The following EGFLAM variants were observed in gnomAD, a reference collection of about 807,000 sequenced individuals.
EGFLAM encodes pikachurin.
EGFLAM carries 79 observed loss-of-function variants against 113.1 expected under a neutral mutation model. The observed-to-expected ratio is 0.70, with a 90% confidence interval of 0.58 to 0.84. EGFLAM has a LOEUF of 0.84. Among genes scored for constraint, EGFLAM ranks in the 40% least tolerant of loss-of-function variants. EGFLAM has a pLI of 0.00. For missense variants in EGFLAM, 1,265 were observed against 1,291.6 expected, an observed-to-expected ratio of 0.98 and a Z score of 0.32; for synonymous variants, 504 against 487.6, an observed-to-expected ratio of 1.03 and a Z score of -0.44.
At chr5:38,274,217 C>G (rs751876892) in intron 1 of EGFLAM, among the ~76,000 whole-genome samples, 2 of 151,962 alleles carry the variant, frequency 1.3e-5, no homozygotes, top group Non-Finnish European at 2.9e-5. Flanking sequence ...AGCGTCGAAA[C>G]AGCAAATGTT....
chr5:38,428,738 C>A lies in EGFLAM; in HGVS notation c.2054+1486C>A, dbSNP rs536105653. ...CTGTGGGGTCACAAGCACATGGAAC[C>A]CTTAGAAGTCCAGCATTTCTCTCTT... On this transcript the variant is annotated intron_variant, in intron 14 of 21. Coordinates refer to ENST00000322350, the MANE Select transcript of EGFLAM (RefSeq NM_152403.4). Among the ~76,000 whole-genome samples, 325 of 152,318 alleles carry A rather than the reference C, an allele frequency of 2.1e-3. 1 individual carries two copies. The highest frequency in any genetic ancestry group is 7.4e-3 in the African/African-American group (306 of 41,568).
intron 14 of EGFLAM, among the ~76,000 whole-genome samples, chr5:38,428,958 A>G (rs2112199563): frequency 6.6e-6 from 1 of 152,322 alleles, no homozygotes; most frequent in East Asian, 1.9e-4. Flanking sequence ...TCCTGAGCGT[A>G]AGCTAACAAC....
At chr5:38,313,314 A>G (rs975645629) in intron 1 of EGFLAM, among the ~76,000 whole-genome samples, 1 of 152,190 alleles carries the variant, frequency 6.6e-6, no homozygotes, top group Non-Finnish European at 1.5e-5. Flanking sequence ...CATCATAACA[A>G]AAACGTTTCC....
chr5:38,385,285 C>A (rs1428242457), intron 6 of EGFLAM, among the ~76,000 whole-genome samples: 11 of 110,664 alleles, frequency 9.9e-5, no homozygotes, highest in Middle Eastern at 4.5e-3. Context: ...CCCACCCCCC[C>A]CCCCCGCCCC....
chr5:38,294,928 C>T (rs753882902), intron 1 of EGFLAM, among the ~76,000 whole-genome samples: 7 of 152,030 alleles, frequency 4.6e-5, no homozygotes, highest in South Asian at 2.1e-4. Flanking sequence ...TGGGTTCAAG[C>T]GATTCTCCTG....
intron 1 of EGFLAM, among the ~76,000 whole-genome samples, chr5:38,332,696 TG>T (rs1739077981): frequency 1.3e-5 from 2 of 152,216 alleles, no homozygotes; most frequent in Admixed American, 1.3e-4. Context: ...AACAAAGGGA[TG>T]GGCCAAAATA....
chr5:38,458,072 G>T (rs1321575171), intron 19 of EGFLAM, among the ~76,000 whole-genome samples: 1 of 152,114 alleles, frequency 6.6e-6, no homozygotes, highest in East Asian at 1.9e-4. Context: ...GCTTAAAAAT[G>T]GTTACGATGG....
chr5:38,261,783 C>T lies in EGFLAM; in HGVS notation c.97+2932C>T, dbSNP rs182356771. 3.2e-3 allele frequency among the ~76,000 whole-genome samples: 482 copies of T among 152,060 alleles called. 2 individuals carry two copies. Among genetic ancestry groups the T allele is most frequent in the African/African-American group, 0.011 (461 of 41,314 alleles). ...GATACTGAAAGAATTTTGGAAGCTA[C>T]TGTCTACTGGCCTCATTTATAAGAA... On this transcript the variant is annotated intron_variant, in intron 1 of 21. Coordinates refer to ENST00000322350, the MANE Select transcript of EGFLAM (RefSeq NM_152403.4).
At chr5:38,422,907 G>A (rs1741880662) in intron 12 of EGFLAM, among the ~76,000 whole-genome samples, 1 of 152,192 alleles carries the variant, frequency 6.6e-6, no homozygotes, top group Non-Finnish European at 1.5e-5. Context: ...AGCCCCTGCT[G>A]TGGCTTACTC....
At chr5:38,418,619 G>T (rs375134873) in intron 12 of EGFLAM, among the ~76,000 whole-genome samples, 46 of 152,324 alleles carry the variant, frequency 3.0e-4, no homozygotes, top group Middle Eastern at 6.8e-3. Flanking sequence ...ACACAGTAAT[G>T]TAAGAAGAGC....
chr5:38,311,793 G>A (rs1319600165), intron 1 of EGFLAM, among the ~76,000 whole-genome samples: 1 of 152,178 alleles, frequency 6.6e-6, no homozygotes, highest in Non-Finnish European at 1.5e-5. Context: ...TGCAAAAAAG[G>A]CAAAGAAACA....
At chr5:38,357,854 A>G (rs1323462034) in intron 5 of EGFLAM, among the ~76,000 whole-genome samples, 1 of 149,634 alleles carries the variant, frequency 6.7e-6, no homozygotes, top group East Asian at 2.0e-4. Context: ...GAGATAGTCT[A>G]ACAAATTTTC....
At chr5:38,382,314 A>G (rs1740531500) in intron 6 of EGFLAM, among the ~76,000 whole-genome samples, 1 of 152,252 alleles carries the variant, frequency 6.6e-6, no homozygotes, top group South Asian at 2.1e-4. Flanking sequence ...AAATGAATGT[A>G]GGTATACATC....
intron 1 of EGFLAM, chr5:38,305,597 C>A: frequency 3.2e-6 from 1 of 309,404 alleles, no homozygotes; most frequent in Admixed American, 3.5e-5. Context: ...ATAGAAAAGG[C>A]AACCAGTCCA....
Position 38,407,893 on chromosome 5 carries a change from T to A in EGFLAM, c.1236T>A (p.Thr412=), listed in dbSNP as rs113866665. 6.2e-7 allele frequency: 1 copy of A among 1,611,224 alleles called. No homozygotes were observed. The highest frequency in any genetic ancestry group is 1.1e-5 in the South Asian group (1 of 90,996). The part of the protein sequence containing the change: ...LKNSYQAFQI[T]LEFRAEAEDG... The stretch of plus-strand genomic sequence containing the variant: ...ATTCTTATCAGGCATTTCAAATTAC[T>A]CTTGAATTTAGGGTAAGAGGGATGT... The change falls in exon 9 of 22, where the codon ACT becomes ACA. Residue 412 remains threonine, a synonymous_variant. Coordinates refer to ENST00000322350, the MANE Select transcript of EGFLAM (RefSeq NM_152403.4).
intron 6 of EGFLAM, among the ~76,000 whole-genome samples, chr5:38,375,265 A>G (rs568319730): frequency 6.6e-6 from 1 of 152,224 alleles, no homozygotes; most frequent in South Asian, 2.1e-4. Context: ...GCAGCCCCTT[A>G]GATTAGTTAG....
At chr5:38,293,345 AG>A (rs963222656) in intron 1 of EGFLAM, among the ~76,000 whole-genome samples, 1 of 152,248 alleles carries the variant, frequency 6.6e-6, no homozygotes, top group Non-Finnish European at 1.5e-5. Flanking sequence ...AAATTAAATA[AG>A]GATAACAATA....
chr5:38,376,800 A>G (rs1314922677), intron 6 of EGFLAM, among the ~76,000 whole-genome samples: 2 of 152,162 alleles, frequency 1.3e-5, no homozygotes, highest in East Asian at 3.9e-4. Flanking sequence ...CCTCCTGAGT[A>G]GCTGGGACTA....
At chr5:38,351,718 A>G (rs568096376) in intron 4 of EGFLAM, among the ~76,000 whole-genome samples, 3 of 152,304 alleles carry the variant, frequency 2.0e-5, no homozygotes, top group African/African-American at 4.8e-5. Context: ...ATTACTATGT[A>G]TTCTGATTGT....
Sources: allele counts gnomAD v4.1 joint callset (sites outside exome capture counted in the v4.1 genomes callset), GRCh38; gene constraint gnomAD v4.1.1; transcripts MANE v1.5; gene names NCBI Gene and HGNC (gene_info 2026-07-23, HGNC 2026-07-21).